Variants in TPRG1 observed in about 807,000 individuals in gnomAD.
TPRG1 encodes the protein tumor protein p63-regulated gene 1 protein.
TPRG1 carries 29 observed loss-of-function variants against 29.3 expected under a neutral mutation model. That is an observed-to-expected ratio of 0.99 (90% CI 0.74 to 1.35). The LOEUF (loss-of-function observed/expected upper bound fraction) is 1.35, where lower values mean the gene tolerates loss of function less well. Among genes scored for constraint, TPRG1 ranks in the 40% most tolerant of loss-of-function variants. The probability of loss-of-function intolerance (pLI) is 0.00; values close to 1 mark genes in which losing one functional copy is unlikely to be tolerated. For synonymous variants in TPRG1, 130 were observed against 116.8 expected, an observed-to-expected ratio of 1.11 and a Z score of -0.73; for missense variants, 327 against 335.0, an observed-to-expected ratio of 0.98 and a Z score of 0.19.
At chr3:189,183,375 C>T (rs538168302) in intron 1 of TPRG1, among the ~76,000 whole-genome samples, 65 of 152,118 alleles carry the variant, frequency 4.3e-4, no homozygotes, top group South Asian at 4.2e-4. Flanking sequence ...ACCACAGGAC[C>T]GGGGCAAAAT....
chr3:189,152,998 T>C (rs1436509806), intron 5 of TPRG1, among the ~76,000 whole-genome samples: 2 of 152,230 alleles, frequency 1.3e-5, no homozygotes, highest in Admixed American at 6.5e-5. Flanking sequence ...TGAAAGTAGT[T>C]TCACGTGTGT....
intron 3 of TPRG1, among the ~76,000 whole-genome samples, chr3:189,230,035 A>G (rs1359211356): frequency 1.3e-5 from 2 of 152,134 alleles, no homozygotes; most frequent in East Asian, 3.9e-4. Flanking sequence ...GCTTCTGATC[A>G]AGTGAATCCC....
At position 189,242,728 on chromosome 3, in the gene TPRG1, T is replaced by C. The variant is rs563219007; in HGVS notation, c.479+3819T>C. On this transcript the variant is annotated intron_variant, in intron 4 of 5. Coordinates refer to ENST00000345063, the MANE Select transcript of TPRG1 (RefSeq NM_198485.4). ...TTCATTGACTGTTTGATAGAGTTAA[T>C]AAGGGAAATCTTGGCCTGATCATTT... 1.4e-3 allele frequency among the ~76,000 whole-genome samples: 212 copies of C among 152,156 alleles called. 1 individual carries two copies. Among genetic ancestry groups the C allele is most frequent in the African/African-American group, 4.9e-3 (204 of 41,546 alleles).
intron 1 of TPRG1, among the ~76,000 whole-genome samples, chr3:189,175,733 G>A (rs1021929475): frequency 6.6e-6 from 1 of 152,210 alleles, no homozygotes; most frequent in East Asian, 1.9e-4. Flanking sequence ...GAATTAGAAA[G>A]ATGGATAAAA....
At chr3:189,225,213 G>A (rs953070246) in intron 3 of TPRG1, among the ~76,000 whole-genome samples, 1 of 152,178 alleles carries the variant, frequency 6.6e-6, no homozygotes, top group African/African-American at 2.4e-5. Context: ...TTACAGGCGT[G>A]AGCCATCACG....
chr3:189,197,249 AT>A (rs777329087), intron 1 of TPRG1, among the ~76,000 whole-genome samples: 3 of 152,046 alleles, frequency 2.0e-5, no homozygotes, highest in African/African-American at 4.8e-5. Context: ...GCATTGGTTG[AT>A]TTTTTTTATC....
intron 4 of TPRG1, among the ~76,000 whole-genome samples, chr3:189,033,567 C>G (rs777115790): frequency 4.0e-5 from 6 of 151,760 alleles, no homozygotes; most frequent in Non-Finnish European, 7.4e-5. Flanking sequence ...AGCCACTGCA[C>G]TTAGCCTACT....
chr3:189,306,328 G>A (rs1721622089), intron 4 of TPRG1, among the ~76,000 whole-genome samples: 1 of 152,176 alleles, frequency 6.6e-6, no homozygotes, highest in African/African-American at 2.4e-5. Context: ...CTGAATGGAA[G>A]TTTTTCTGAT....
In TPRG1 at chr3:189,014,781, C is replaced by T. The variant is rs114668030; in HGVS notation, c.-659-8969C>T. On this transcript the variant is annotated intron_variant, in intron 3 of 10. Transcript: ENST00000433971. Reference sequence around the variant, plus strand: ...TGCCTTCCACTATGATTGTAGGTTCCCTGAGGAGCCCCAGTCATGCTTCCT... The same window carrying T: ...TGCCTTCCACTATGATTGTAGGTTCTCTGAGGAGCCCCAGTCATGCTTCCT... 2.7e-3 allele frequency among the ~76,000 whole-genome samples: 405 copies of T among 152,200 alleles called. 3 individuals carry two copies. Among genetic ancestry groups the T allele is most frequent in the African/African-American group, 8.8e-3 (366 of 41,518 alleles).
chr3:189,024,277 C>T (rs1346906186), intron 4 of TPRG1, among the ~76,000 whole-genome samples: 1 of 151,662 alleles, frequency 6.6e-6, no homozygotes, highest in Admixed American at 6.6e-5. Flanking sequence ...AGTCTGGCCA[C>T]ACCTCAACAA....
intron 4 of TPRG1, among the ~76,000 whole-genome samples, chr3:189,033,425 G>T (rs374402973): frequency 6.6e-6 from 1 of 152,028 alleles, no homozygotes; most frequent in Non-Finnish European, 1.5e-5. Context: ...GGGACAACAG[G>T]TACGTGCCAC....
At chr3:189,318,915 T>C (rs1723960345) in intron 5 of TPRG1, among the ~76,000 whole-genome samples, 1 of 152,220 alleles carries the variant, frequency 6.6e-6, no homozygotes, top group Non-Finnish European at 1.5e-5. Flanking sequence ...TAGAATTTTA[T>C]AATTCCTGCT....
At chr3:189,204,509 A>G (rs969765049) in intron 1 of TPRG1, among the ~76,000 whole-genome samples, 21 of 152,178 alleles carry the variant, frequency 1.4e-4, no homozygotes, top group African/African-American at 4.6e-4. Context: ...GCTGGGCTCA[A>G]CTTTCCCACT....
chr3:189,253,348 G>T (rs111763198), intron 4 of TPRG1, among the ~76,000 whole-genome samples: 3,218 of 152,240 alleles, frequency 0.021, 136 homozygotes, highest in African/African-American at 0.074. Flanking sequence ...CACTTATGTG[G>T]TGTTTGGTTT....
At chr3:189,103,316 CT>C (rs1719422729) in intron 1 of TPRG1, among the ~76,000 whole-genome samples, 1 of 152,142 alleles carries the variant, frequency 6.6e-6, no homozygotes, top group African/African-American at 2.4e-5. Context: ...ACTATTTGAC[CT>C]TTTGCAGAAA....
At chr3:189,312,185 TTTTCTTTC>T (rs71169041) in intron 5 of TPRG1, among the ~76,000 whole-genome samples, 14 of 47,376 alleles carry the variant, frequency 3.0e-4, no homozygotes, top group African/African-American at 1.0e-3. Flanking sequence ...TTCTTTCTTT[TTTTCTTTC>T]TTTCTTTCTT....
chr3:189,264,297 G>C (rs939038363), intron 4 of TPRG1, among the ~76,000 whole-genome samples: 1 of 152,098 alleles, frequency 6.6e-6, no homozygotes, highest in Non-Finnish European at 1.5e-5. Context: ...AGAAGCCCTT[G>C]TCAGCAAGCA....
chr3:189,285,497 C>A (rs750563116), intron 4 of TPRG1, among the ~76,000 whole-genome samples: 35 of 152,082 alleles, frequency 2.3e-4, no homozygotes, highest in Non-Finnish European at 1.8e-4. Flanking sequence ...TGAAGGAATA[C>A]CAGATTGCAT....
intron 1 of TPRG1, among the ~76,000 whole-genome samples, chr3:189,113,831 A>G (rs1017134963): frequency 6.6e-6 from 1 of 151,972 alleles, no homozygotes; most frequent in Non-Finnish European, 1.5e-5. Flanking sequence ...TGACGAGTTA[A>G]TGGGTGCAGC....
Sources: allele counts gnomAD v4.1 joint callset (sites outside exome capture counted in the v4.1 genomes callset), GRCh38; gene constraint gnomAD v4.1.1; transcripts MANE v1.5; gene names NCBI Gene and HGNC (gene_info 2026-07-23, HGNC 2026-07-21).